KCNJ15: variants seen among roughly 807,000 people sequenced by gnomAD.
The protein encoded by KCNJ15 is ATP-sensitive inward rectifier potassium channel 15.
Under a neutral mutation model 23.0 loss-of-function variants are expected in KCNJ15, and 14 were observed. The observed-to-expected ratio is 0.61, with a 90% confidence interval of 0.40 to 0.95. The LOEUF (loss-of-function observed/expected upper bound fraction) is 0.95, where lower values mean the gene tolerates loss of function less well. Ranked by LOEUF, KCNJ15 falls within the 40% of genes least tolerant of loss-of-function variation. The pLI, the probability that KCNJ15 is intolerant of heterozygous loss-of-function variation, is 0.00. For missense variants in KCNJ15, 388 were observed against 461.8 expected, an observed-to-expected ratio of 0.84 and a Z score of 1.46; for synonymous variants, 185 against 183.2, an observed-to-expected ratio of 1.01 and a Z score of -0.08.
chr21:38,261,560 G>A (rs1980900805), intron 1 of KCNJ15, among the ~76,000 whole-genome samples: 1 of 152,142 alleles, frequency 6.6e-6, no homozygotes, highest in South Asian at 2.1e-4. Flanking sequence ...AGTGATATAT[G>A]GAAAACCAAT....
At chr21:38,246,534 G>A (rs979859324) in intron 1 of KCNJ15, among the ~76,000 whole-genome samples, 2 of 152,136 alleles carry the variant, frequency 1.3e-5, no homozygotes, top group Admixed American at 1.3e-4. Context: ...CAAGAGATGA[G>A]TTACAGTGAC....
chr21:38,279,187 G>A (rs1983066175), intron 1 of KCNJ15, among the ~76,000 whole-genome samples: 1 of 151,760 alleles, frequency 6.6e-6, no homozygotes, highest in Non-Finnish European at 1.5e-5. Flanking sequence ...GAGGAAGGGA[G>A]TTGCCCTGGG....
intron 1 of KCNJ15, chr21:38,238,169 A>C: frequency 2.4e-6 from 1 of 413,984 alleles, no homozygotes; most frequent in Non-Finnish European, 4.6e-6. Context: ...GCAGGACCTG[A>C]GTCTTTAGTC....
Position 38,305,213 on chromosome 21 carries a change from A to T in KCNJ15, c.*4824A>T, listed in dbSNP as rs889814330. The T allele has an allele frequency of 6.6e-6, 1 of 152,092 alleles. No homozygotes were observed. The highest frequency in any genetic ancestry group is 6.6e-5 in the Admixed American group (1 of 15,262). 9.4% of individuals were successfully genotyped at this position (152,092 alleles called of 1,614,324 possible). Reference sequence around the variant, plus strand: ...TTGCACCCAATTTCTTTTCAACATCATACATGCTTGGTTGACTGTTTCTTC... The same window carrying T: ...TTGCACCCAATTTCTTTTCAACATCTTACATGCTTGGTTGACTGTTTCTTC... On this transcript the variant is annotated 3_prime_UTR_variant, in exon 3 of 3. Coordinates refer to ENST00000398938, the MANE Select transcript of KCNJ15 (RefSeq NM_170736.3).
chr21:38,294,003 C>G (rs1984891020), intron 1 of KCNJ15, among the ~76,000 whole-genome samples: 1 of 151,662 alleles, frequency 6.6e-6, no homozygotes, highest in Non-Finnish European at 1.5e-5. Context: ...GGCCAAAGGT[C>G]ATGGTGCATG....
intron 1 of KCNJ15, among the ~76,000 whole-genome samples, chr21:38,288,490 A>G (rs1273885893): frequency 6.6e-6 from 1 of 152,216 alleles, no homozygotes; most frequent in Non-Finnish European, 1.5e-5. Flanking sequence ...ATCAATTTGT[A>G]GAGACTGACA....
intron 1 of KCNJ15, among the ~76,000 whole-genome samples, chr21:38,266,208 T>C (rs1260093940): frequency 6.6e-6 from 1 of 152,200 alleles, no homozygotes; most frequent in Non-Finnish European, 1.5e-5. Flanking sequence ...CACATAGGTA[T>C]ACACGCGCCA....
chr21:38,288,391 G>T (rs1341960074), intron 1 of KCNJ15, among the ~76,000 whole-genome samples: 2 of 152,104 alleles, frequency 1.3e-5, no homozygotes, highest in East Asian at 3.9e-4. Context: ...TGCCTGGGAT[G>T]AGATTCATGC....
upstream of KCNJ15, among the ~76,000 whole-genome samples, chr21:38,255,651 T>C (rs1980154071): frequency 6.6e-6 from 1 of 152,192 alleles, no homozygotes. Flanking sequence ...CCCTGAGCTT[T>C]GAGTCAGCAG....
At chr21:38,290,214 G>T (rs376663369) in intron 1 of KCNJ15, among the ~76,000 whole-genome samples, 1 of 152,186 alleles carries the variant, frequency 6.6e-6, no homozygotes, top group Non-Finnish European at 1.5e-5. Context: ...TGAGTCCCCT[G>T]TTGGGCCCGG....
intron 1 of KCNJ15, among the ~76,000 whole-genome samples, chr21:38,290,680 C>T (rs1170448619): frequency 2.6e-5 from 4 of 152,070 alleles, no homozygotes; most frequent in Admixed American, 6.6e-5. Flanking sequence ...GCCTGAGAGC[C>T]TGCATTTCTG....
intron 1 of KCNJ15, among the ~76,000 whole-genome samples, chr21:38,249,609 A>G (rs963054439): frequency 1.3e-5 from 2 of 152,240 alleles, no homozygotes; most frequent in African/African-American, 4.8e-5. Flanking sequence ...CTGCATGTCT[A>G]GTCTGTATAG....
intron 1 of KCNJ15, among the ~76,000 whole-genome samples, chr21:38,243,779 A>G (rs1979173265): frequency 6.6e-6 from 1 of 152,218 alleles, no homozygotes; most frequent in African/African-American, 2.4e-5. Flanking sequence ...ACAGCCATAA[A>G]CAATTTGTGA....
At chr21:38,232,137 GT>G (rs60585699) in intron 1 of KCNJ15, among the ~76,000 whole-genome samples, 52,567 of 145,588 alleles carry the variant, frequency 0.36, 10,860 homozygotes, top group East Asian at 0.75. Flanking sequence ...TTCATTAGAG[GT>G]TTTTTTTTTT....
intron 1 of KCNJ15, among the ~76,000 whole-genome samples, chr21:38,236,850 T>C (rs924706060): frequency 2.0e-5 from 3 of 152,230 alleles, no homozygotes; most frequent in Non-Finnish European, 4.4e-5. Flanking sequence ...TAAAAGATTA[T>C]TCAATCATAA....
At chr21:38,291,283 G>A (rs983018442) in intron 1 of KCNJ15, among the ~76,000 whole-genome samples, 4 of 152,064 alleles carry the variant, frequency 2.6e-5, no homozygotes, top group African/African-American at 9.7e-5. Flanking sequence ...TAGAATCTAG[G>A]TTCTCCCCAC....
In KCNJ15 at chr21:38,257,031, G is replaced by A. The variant is rs1980321286; in HGVS notation, c.-271G>A. ...TTCTTACTCAAACTTGTACCAACTT[G>A]TTTTTGACTGACAGTGAACAGTGAG... On this transcript the variant is annotated 5_prime_UTR_variant, in exon 1 of 3. Transcript: ENST00000398938. 6.7e-6 allele frequency: 1 copy of A among 149,266 alleles called. No homozygotes were observed. The allele number at this position is 149,266 out of a possible 1,614,324, so 9.2% of individuals were successfully genotyped here.
At chr21:38,295,565 A>G (rs541936519) in intron 1 of KCNJ15, among the ~76,000 whole-genome samples, 50 of 152,298 alleles carry the variant, frequency 3.3e-4, no homozygotes, top group Non-Finnish European at 4.9e-4. Flanking sequence ...TTTAATGGGA[A>G]AAAGGTTAAG....
At chr21:38,273,925 A>T (rs989380578) in intron 1 of KCNJ15, among the ~76,000 whole-genome samples, 2 of 152,274 alleles carry the variant, frequency 1.3e-5, no homozygotes, top group South Asian at 2.1e-4. Flanking sequence ...AAAACTAGAC[A>T]GCAGCGTCAG....
Sources: allele counts gnomAD v4.1 joint callset (sites outside exome capture counted in the v4.1 genomes callset), GRCh38; gene constraint gnomAD v4.1.1; transcripts MANE v1.5; gene names NCBI Gene and HGNC (gene_info 2026-07-23, HGNC 2026-07-21).